DLG2: variants seen among roughly 807,000 people sequenced by gnomAD.
The protein encoded by DLG2 is discs large MAGUK scaffold protein 2.
A neutral mutation model predicts 132.5 loss-of-function variants in DLG2; 45 were observed. The ratio of observed to expected loss-of-function variants is 0.34; its 90% CI spans 0.27 to 0.44. The LOEUF (loss-of-function observed/expected upper bound fraction) is 0.44, where lower values mean the gene tolerates loss of function less well. Among genes scored for constraint, DLG2 ranks in the 20% least tolerant of loss-of-function variants. The pLI is 1.00. For missense variants in DLG2, 1,045 were observed against 1,196.9 expected, an observed-to-expected ratio of 0.87 and a Z score of 1.87; for synonymous variants, 424 against 419.6, an observed-to-expected ratio of 1.01 and a Z score of -0.13.
At chr11:84,493,490 G>A (rs535097861) in intron 7 of DLG2, among the ~76,000 whole-genome samples, 1 of 152,060 alleles carries the variant, frequency 6.6e-6, no homozygotes, top group Admixed American at 6.5e-5. Flanking sequence ...CATAATAATA[G>A]CTCCTATTTT....
At chr11:84,917,417 T>C (rs1038400759) in intron 6 of DLG2, among the ~76,000 whole-genome samples, 8 of 152,246 alleles carry the variant, frequency 5.3e-5, no homozygotes, top group Non-Finnish European at 2.9e-5. Flanking sequence ...CTATATTATC[T>C]ATTTAGGTAG....
chr11:85,611,930 G>C (rs1001934154), intron 2 of DLG2, among the ~76,000 whole-genome samples: 2 of 152,090 alleles, frequency 1.3e-5, no homozygotes, highest in Non-Finnish European at 2.9e-5. Context: ...CAGAGAGAGA[G>C]AGAGAGGAAG....
At chr11:85,280,783 T>C (rs181926595) in intron 4 of DLG2, among the ~76,000 whole-genome samples, 185 of 152,110 alleles carry the variant, frequency 1.2e-3, no homozygotes, top group Non-Finnish European at 1.4e-3. Flanking sequence ...AATAGAGAGA[T>C]GAATTACTTA....
At chr11:84,328,602 A>G (rs1276814172) in intron 7 of DLG2, among the ~76,000 whole-genome samples, 2 of 152,128 alleles carry the variant, frequency 1.3e-5, no homozygotes, top group East Asian at 1.9e-4. Flanking sequence ...TTATTTTTCA[A>G]ATGAATAACT....
intron 6 of DLG2, among the ~76,000 whole-genome samples, chr11:84,743,486 A>AGG (rs1220888574): frequency 6.6e-6 from 1 of 152,184 alleles, no homozygotes; most frequent in Non-Finnish European, 1.5e-5. Flanking sequence ...ATGACACTTC[A>AGG]GATATTAAAC....
chr11:85,569,015 T>C (rs1386922726), intron 3 of DLG2, among the ~76,000 whole-genome samples: 1 of 152,034 alleles, frequency 6.6e-6, no homozygotes, highest in East Asian at 1.9e-4. Flanking sequence ...TTTGAGATCA[T>C]TCTTCTTTCT....
intron 18 of DLG2, among the ~76,000 whole-genome samples, chr11:83,706,449 C>T (rs901261643): frequency 1.3e-5 from 2 of 152,004 alleles, no homozygotes; most frequent in African/African-American, 4.8e-5. Context: ...TACATAATAT[C>T]CCCCAACTCC....
At chr11:84,627,867 A>C (rs562559616) in intron 6 of DLG2, among the ~76,000 whole-genome samples, 15 of 152,074 alleles carry the variant, frequency 9.9e-5, no homozygotes, top group Non-Finnish European at 1.9e-4. Flanking sequence ...ACCAGATCTC[A>C]TGAGAACTCA....
chr11:85,076,882 A>G (rs565971482), intron 6 of DLG2, among the ~76,000 whole-genome samples: 1 of 152,124 alleles, frequency 6.6e-6, no homozygotes, highest in East Asian at 1.9e-4. Flanking sequence ...CTGGTACTGC[A>G]TTTAGCACTG....
At chr11:83,587,195 T>A (rs569259644) in intron 19 of DLG2, among the ~76,000 whole-genome samples, 63 of 152,180 alleles carry the variant, frequency 4.1e-4, no homozygotes, top group Non-Finnish European at 7.5e-4. Context: ...TAGTTTTTTT[T>A]AAATTATCTT....
chr11:84,872,012 T>C (rs890087580), intron 6 of DLG2, among the ~76,000 whole-genome samples: 9 of 152,210 alleles, frequency 5.9e-5, no homozygotes, highest in Non-Finnish European at 2.9e-5. Flanking sequence ...ACTCAGTTAA[T>C]GCAGTATTTT....
intron 15 of DLG2, among the ~76,000 whole-genome samples, chr11:83,892,741 T>C (rs952743682): frequency 6.6e-6 from 1 of 151,830 alleles, no homozygotes; most frequent in Non-Finnish European, 1.5e-5. Context: ...AGTTTTATCA[T>C]AGTTTGTTAA....
intron 7 of DLG2, among the ~76,000 whole-genome samples, chr11:84,346,603 G>T (rs570084372): frequency 1.4e-3 from 219 of 152,258 alleles, no homozygotes; most frequent in Admixed American, 2.5e-3. Context: ...TTTTGAAATG[G>T]AGTCTTGCTG....
chr11:83,937,840 A>C (rs2081844254), intron 14 of DLG2, among the ~76,000 whole-genome samples: 1 of 152,226 alleles, frequency 6.6e-6, no homozygotes, highest in South Asian at 2.1e-4. Context: ...ATGTTGAAAC[A>C]GACACTATAT....
At chr11:85,134,108 A>C (rs1442405795) in intron 5 of DLG2, among the ~76,000 whole-genome samples, 3 of 152,184 alleles carry the variant, frequency 2.0e-5, no homozygotes, top group South Asian at 2.1e-4. Context: ...TAAAAATCGA[A>C]AATCAATGAT....
intron 7 of DLG2, among the ~76,000 whole-genome samples, chr11:84,341,650 C>A (rs893637841): frequency 6.6e-6 from 1 of 152,228 alleles, no homozygotes. Flanking sequence ...CCAAGGGCGA[C>A]TTTACCTTAA....
chr11:84,913,823 A>G (rs1341132884), intron 6 of DLG2, among the ~76,000 whole-genome samples: 1 of 152,194 alleles, frequency 6.6e-6, no homozygotes, highest in African/African-American at 2.4e-5. Flanking sequence ...ACCCACTTAA[A>G]ACTGATTCAT....
intron 3 of DLG2, among the ~76,000 whole-genome samples, chr11:85,383,705 T>A (rs2086090814): frequency 6.6e-6 from 1 of 152,178 alleles, no homozygotes; most frequent in South Asian, 2.1e-4. Context: ...ATAACAATGA[T>A]TTTCAGAAAA....
Position 84,457,801 on chromosome 11 carries a change from A to T in DLG2, c.519+76769T>A, listed in dbSNP as rs1381830535. Among the ~76,000 whole-genome samples, 5 of 150,988 alleles carry T rather than the reference A, an allele frequency of 3.3e-5. No homozygotes were observed. The East Asian group carries it at 9.7e-4, about 29-fold the overall frequency. On this transcript the variant is annotated intron_variant, in intron 7 of 27. Transcript: ENST00000376104. ...ATATTTATAATTAAATTCGTGCAAA[A>T]TTGATTAAATACAACAAATCTCATA... is the stretch of plus-strand genomic sequence containing the variant.
Sources: allele counts gnomAD v4.1 joint callset (sites outside exome capture counted in the v4.1 genomes callset), GRCh38; gene constraint gnomAD v4.1.1; transcripts MANE v1.5; gene names NCBI Gene and HGNC (gene_info 2026-07-23, HGNC 2026-07-21).